P2RY8: variants seen among roughly 807,000 people sequenced by gnomAD.
P2RY8 encodes the protein P2Y receptor family member 8.
Under a neutral mutation model 10.0 loss-of-function variants are expected in P2RY8, and 6 were observed. The ratio of observed to expected loss-of-function variants is 0.60; its 90% CI spans 0.33 to 1.19. The LOEUF (loss-of-function observed/expected upper bound fraction) is 1.19. P2RY8 is among the 50% of genes most tolerant of loss of function. The pLI is 0.04. For missense variants in P2RY8, 456 were observed against 542.0 expected, an observed-to-expected ratio of 0.84 and a Z score of 1.58; for synonymous variants, 276 against 252.5, an observed-to-expected ratio of 1.09 and a Z score of -0.88.
At chrX:1,521,034 C>CTTT (rs1163534557) in intron 1 of P2RY8, among the ~76,000 whole-genome samples, 7,568 of 60,546 alleles carry the variant, frequency 0.12, 990 homozygotes, top group African/African-American at 0.29. Context: ...TTTTTCTTTT[C>CTTT]TTTTTTTTTT....
At chrX:1,494,766 C>CTCCCA (rs2092100359) in intron 1 of P2RY8, among the ~76,000 whole-genome samples, 1 of 152,182 alleles carries the variant, frequency 6.6e-6, no homozygotes, top group Non-Finnish European at 1.5e-5. Context: ...AGTGCAATGG[C>CTCCCA]ACCGTCTCCG....
chrX:1,517,557 G>A (rs2092360489), intron 1 of P2RY8, among the ~76,000 whole-genome samples: 1 of 152,152 alleles, frequency 6.6e-6, no homozygotes, highest in African/African-American at 2.4e-5. Context: ...TGAGGGCTCT[G>A]AGCAAAATGG....
chrX:1,507,634 A>G (rs2092247019), intron 1 of P2RY8, among the ~76,000 whole-genome samples: 1 of 152,108 alleles, frequency 6.6e-6, no homozygotes, highest in African/African-American at 2.4e-5. Context: ...CACCCGGCGG[A>G]GTCCCCACGT....
chrX:1,515,449 G>A (rs542188462), intron 1 of P2RY8, among the ~76,000 whole-genome samples: 213 of 149,054 alleles, frequency 1.4e-3, no homozygotes, highest in South Asian at 9.7e-3. Context: ...TCTGCTCACC[G>A]CAACCTCCGC....
chrX:1,535,814 T>C (rs2092522138), intron 1 of P2RY8, among the ~76,000 whole-genome samples: 1 of 151,846 alleles, frequency 6.6e-6, no homozygotes, highest in East Asian at 1.9e-4. Context: ...AAATGGGACC[T>C]AAAGCGCCAC....
chrX:1,510,748 G>T (rs1457710968), intron 1 of P2RY8, among the ~76,000 whole-genome samples: 1 of 151,878 alleles, frequency 6.6e-6, no homozygotes, highest in Admixed American at 6.6e-5. Context: ...GCACGGTGGC[G>T]TGCACCTGTA....
At chrX:1,493,707 G>C (rs1334030355) in intron 1 of P2RY8, among the ~76,000 whole-genome samples, 1 of 152,176 alleles carries the variant, frequency 6.6e-6, no homozygotes, top group East Asian at 1.9e-4. Flanking sequence ...CCAGCATCTC[G>C]GCGTGGGCCG....
At chrX:1,502,234 G>A (rs1401223220) in intron 1 of P2RY8, among the ~76,000 whole-genome samples, 3 of 152,160 alleles carry the variant, frequency 2.0e-5, no homozygotes, top group East Asian at 1.9e-4. Flanking sequence ...TGGAAATAAA[G>A]TCCTGTCTAG....
chrX:1,494,897 T>C (rs2092101712), intron 1 of P2RY8, among the ~76,000 whole-genome samples: 1 of 147,674 alleles, frequency 6.8e-6, no homozygotes, highest in Admixed American at 6.9e-5. Flanking sequence ...ATTTTTTTTT[T>C]AGTAGAGACA....
chrX:1,466,993 G>A (rs1222730596), intron 1 of P2RY8, among the ~76,000 whole-genome samples: 1 of 145,508 alleles, frequency 6.9e-6, no homozygotes, highest in Non-Finnish European at 1.5e-5. Flanking sequence ...GTGGGGCTGT[G>A]GCTCCCCTGG....
rs2091687271 is a variant in P2RY8 at position 1,466,808 on chromosome X, T to A, written c.-24-226A>T. ...CACCCTGTGTCATTCTTTTCTTCTTTCCTGTCTTCTCCCCTTTCTTCTTCC... is the reference window on the plus strand; with the variant it reads ...CACCCTGTGTCATTCTTTTCTTCTTACCTGTCTTCTCCCCTTTCTTCTTCC... On this transcript the variant is annotated intron_variant, in intron 1 of 1. Transcript: ENST00000381297. Among the ~76,000 whole-genome samples, 7 of 151,160 alleles carry A rather than the reference T, an allele frequency of 4.6e-5. 1 individual carries two copies. The South Asian group carries it at 1.5e-3, about 32-fold the overall frequency.
chrX:1,483,955 C>A (rs2091962632), intron 1 of P2RY8, among the ~76,000 whole-genome samples: 1 of 151,530 alleles, frequency 6.6e-6, no homozygotes, highest in Non-Finnish European at 1.5e-5. Context: ...AAACTCAAAG[C>A]TGGGATCCCC....
intron 1 of P2RY8, among the ~76,000 whole-genome samples, chrX:1,501,794 C>T (rs1285148428): frequency 6.6e-6 from 1 of 151,638 alleles, no homozygotes; most frequent in Non-Finnish European, 1.5e-5. Flanking sequence ...GGGGTTTCAC[C>T]GTGTTAGCCA....
In P2RY8 at chrX:1,490,387, T is replaced by TGGAG. The variant is rs1385553610; in HGVS notation, c.-24-23809_-24-23806dup. On this transcript the variant is annotated intron_variant, in intron 1 of 1. Coordinates refer to ENST00000381297, the MANE Select transcript of P2RY8 (RefSeq NM_178129.5). ...GATACCCAGATATTCCCTGCAAATGTGGAGGGAATGAATGAATGATACCCC... is the reference window on the plus strand; with the variant it reads ...GATACCCAGATATTCCCTGCAAATGTGGAGGGAGGGAATGAATGAATGATACCCC... Among the ~76,000 whole-genome samples, 98 of 150,206 alleles carry TGGAG rather than the reference T, an allele frequency of 6.5e-4. 1 individual carries two copies. Among genetic ancestry groups the TGGAG allele is most frequent in the African/African-American group, 2.3e-3 (95 of 40,686 alleles).
At chrX:1,469,984 A>G (rs1329431256) in intron 1 of P2RY8, among the ~76,000 whole-genome samples, 4 of 152,192 alleles carry the variant, frequency 2.6e-5, no homozygotes, top group Non-Finnish European at 5.9e-5. Context: ...TCATTCATAC[A>G]GTTCAATGGT....
intron 1 of P2RY8, among the ~76,000 whole-genome samples, chrX:1,501,741 G>A (rs185628930): frequency 0.017 from 2,522 of 151,456 alleles, 64 homozygotes; most frequent in African/African-American, 0.059. Flanking sequence ...TTACAGGCGC[G>A]CACCACCACG....
At chrX:1,516,370 G>C (rs1360427488) in intron 1 of P2RY8, among the ~76,000 whole-genome samples, 2 of 151,724 alleles carry the variant, frequency 1.3e-5, no homozygotes, top group Admixed American at 6.6e-5. Context: ...ACAAGCCCAG[G>C]AGAGAGGCCT....
chrX:1,486,172 C>T (rs751389985), intron 1 of P2RY8, among the ~76,000 whole-genome samples: 64 of 152,290 alleles, frequency 4.2e-4, no homozygotes, highest in Admixed American at 3.0e-3. Flanking sequence ...GAGCGGAGAT[C>T]ATGCCATTGC....
At position 1,498,981 on chromosome X, in the gene P2RY8, C is replaced by T. The variant is rs182468615; in HGVS notation, c.-24-32399G>A. Among the ~76,000 whole-genome samples, 261 of 149,402 alleles carry T rather than the reference C, an allele frequency of 1.7e-3. 3 individuals are homozygous for T. The highest frequency in any genetic ancestry group is 6.1e-3 in the African/African-American group (246 of 40,378). Reference sequence around the variant, plus strand: ...TCCTGAGTAGCTGGGATTACAGGCGCGTGCCATAATGCCTAGCTAATTTTT... The same window carrying T: ...TCCTGAGTAGCTGGGATTACAGGCGTGTGCCATAATGCCTAGCTAATTTTT... On this transcript the variant is annotated intron_variant, in intron 1 of 1. Coordinates refer to ENST00000381297, the MANE Select transcript of P2RY8 (RefSeq NM_178129.5).
Sources: allele counts gnomAD v4.1 joint callset (sites outside exome capture counted in the v4.1 genomes callset), GRCh38; gene constraint gnomAD v4.1.1; transcripts MANE v1.5; gene names NCBI Gene and HGNC (gene_info 2026-07-23, HGNC 2026-07-21).